NEXMIF: variants seen among roughly 807,000 people sequenced by gnomAD.
NEXMIF encodes the protein neurite extension and migration factor, also known as XLMR protein related to neurite extension.
A neutral mutation model predicts 62.1 loss-of-function variants in NEXMIF; 8 were observed. That is an observed-to-expected ratio of 0.13 (90% CI 0.08 to 0.23). NEXMIF has a LOEUF of 0.23. NEXMIF is among the 10% of genes least tolerant of loss of function. The probability of loss-of-function intolerance (pLI) is 1.00; values close to 1 mark genes in which losing one functional copy is unlikely to be tolerated. For synonymous variants in NEXMIF, 404 were observed against 416.6 expected, an observed-to-expected ratio of 0.97 and a Z score of 0.37; for missense variants, 976 against 1,113.3, an observed-to-expected ratio of 0.88 and a Z score of 1.75.
intron 1 of NEXMIF, among the ~76,000 whole-genome samples, chrX:74,881,408 A>ACACACACACACACACG (rs1447660299): frequency 3.9e-5 from 4 of 101,959 alleles, no homozygotes; most frequent in African/African-American, 1.4e-4. Flanking sequence ...ACACACACAC[A>ACACACACACACACACG]CACACACACA....
chrX:74,802,120 G>C (rs996098919), intron 1 of NEXMIF, among the ~76,000 whole-genome samples: 3 of 112,162 alleles, frequency 2.7e-5, no homozygotes, highest in Non-Finnish European at 5.6e-5. Flanking sequence ...GACCTGCCTG[G>C]GTCCTGTGGG....
At chrX:74,905,620 G>A (rs2080765114) in intron 1 of NEXMIF, among the ~76,000 whole-genome samples, 1 of 111,469 alleles carries the variant, frequency 9.0e-6, no homozygotes, top group South Asian at 3.8e-4. Flanking sequence ...GACCAGCCTG[G>A]CCAACATGGT....
At position 74,794,801 on chromosome X, in the gene NEXMIF, T is replaced by G. The variant is rs367894993; in HGVS notation, c.-47-49104A>C. The stretch of plus-strand genomic sequence containing the variant: ...AGGGAACTCCCTGACCCCTTGCGCT[T>G]CCCAAGTGAGGCAATGCCTCGCCCT... On this transcript the variant is annotated intron_variant, in intron 1 of 3. Coordinates refer to ENST00000055682, the MANE Select transcript of NEXMIF (RefSeq NM_001008537.3). 1.2e-4 allele frequency among the ~76,000 whole-genome samples: 13 copies of G among 111,818 alleles called. No homozygotes were observed. The East Asian group carries it at 3.1e-3, about 27-fold the overall frequency.
At chrX:74,795,397 G>T (rs796252513) in intron 1 of NEXMIF, among the ~76,000 whole-genome samples, 1 of 112,340 alleles carries the variant, frequency 8.9e-6, no homozygotes, top group South Asian at 3.7e-4. Context: ...ACATGAATGA[G>T]TCTTAAATGC....
At chrX:74,877,664 A>G (rs1241704489) in intron 1 of NEXMIF, among the ~76,000 whole-genome samples, 2 of 111,161 alleles carry the variant, frequency 1.8e-5, no homozygotes, top group Non-Finnish European at 3.8e-5. Flanking sequence ...ACATAGTCCC[A>G]TATTTCTTGG....
chrX:74,797,567 C>A (rs1033135477), intron 1 of NEXMIF, among the ~76,000 whole-genome samples: 1 of 112,049 alleles, frequency 8.9e-6, no homozygotes. Flanking sequence ...CCTTAACATA[C>A]AATTAGGGAG....
intron 1 of NEXMIF, among the ~76,000 whole-genome samples, chrX:74,770,553 T>C (rs980774465): frequency 4.4e-5 from 5 of 112,377 alleles, no homozygotes; most frequent in Non-Finnish European, 9.4e-5. Context: ...CTATATACAG[T>C]TATACAAACC....
rs1355381276 is a variant in NEXMIF at position 74,738,053 on chromosome X, TTAGAAGTCAAGTGGTGAATAAAAGG to T, written c.*1327_*1351del. The stretch of plus-strand genomic sequence containing the variant: ...TTGTGCAAAGAAAAGAGATCAAATG[TTAGAAGTCAAGTGGTGAATAAAAGG>T]GAAGAAAAAGTAGTAGTGAGGAATG... On this transcript the variant is annotated 3_prime_UTR_variant, in exon 4 of 4. Coordinates refer to ENST00000055682, the MANE Select transcript of NEXMIF (RefSeq NM_001008537.3). The T allele has an allele frequency of 9.0e-6, 1 of 111,391 alleles. No homozygotes were observed. 9.2% of individuals were successfully genotyped at this position (111,391 alleles called of 1,213,427 possible).
chrX:74,915,805 A>C (rs1374702064), intron 1 of NEXMIF, among the ~76,000 whole-genome samples: 1 of 111,335 alleles, frequency 9.0e-6, no homozygotes, highest in Non-Finnish European at 1.9e-5. Flanking sequence ...AAATTCCAGC[A>C]GCCCCTAGAA....
intron 1 of NEXMIF, among the ~76,000 whole-genome samples, chrX:74,835,112 G>A (rs1175628756): frequency 8.9e-6 from 1 of 111,879 alleles, no homozygotes; most frequent in Non-Finnish European, 1.9e-5. Context: ...TCTTCAGTAC[G>A]TCAATTTCAT....
intron 1 of NEXMIF, among the ~76,000 whole-genome samples, chrX:74,878,422 G>C (rs982956043): frequency 3.6e-5 from 4 of 112,573 alleles, no homozygotes; most frequent in African/African-American, 9.7e-5. Context: ...TAAGTCGGCA[G>C]AGGTTACTGC....
chrX:74,738,881 CAT>C lies in NEXMIF; in HGVS notation c.*522_*523del, dbSNP rs2080093031. On this transcript the variant is annotated 3_prime_UTR_variant, in exon 4 of 4. Transcript: ENST00000055682. ...ATACACACACACACACACACACAAA[CAT>C]ATACATATATATGTTTGGGTGTGTA... 4 of 108,723 alleles carry C rather than the reference CAT, an allele frequency of 3.7e-5. No homozygotes were observed. Among genetic ancestry groups the C allele is most frequent in the African/African-American group, 1.3e-4 (4 of 29,781 alleles). The allele number at this position is 108,723 out of a possible 1,213,427, so 9.0% of individuals were successfully genotyped here. A position where few individuals can be genotyped will look rare whatever the true frequency, so the allele number is the denominator to read the frequency against.
chrX:74,876,065 T>C (rs897736489), intron 1 of NEXMIF, among the ~76,000 whole-genome samples: 1 of 111,658 alleles, frequency 9.0e-6, no homozygotes, highest in Non-Finnish European at 1.9e-5. Context: ...CTTGCTTTTC[T>C]AGTTCCTTTG....
intron 1 of NEXMIF, among the ~76,000 whole-genome samples, chrX:74,891,685 C>G (rs747020579): frequency 8.9e-6 from 1 of 112,170 alleles, no homozygotes; most frequent in South Asian, 3.7e-4. Context: ...CCAAGCAACT[C>G]AAGGTCTGAC....
chrX:74,753,124 G>A (rs1317814654), intron 1 of NEXMIF, among the ~76,000 whole-genome samples: 2 of 112,253 alleles, frequency 1.8e-5, no homozygotes, highest in Non-Finnish European at 3.8e-5. Flanking sequence ...ATGCTTGAGC[G>A]CAATAACTTT....
At chrX:74,811,316 C>A (rs2080359761) in intron 1 of NEXMIF, among the ~76,000 whole-genome samples, 1 of 111,526 alleles carries the variant, frequency 9.0e-6, no homozygotes. Context: ...CCAAATATGA[C>A]TTCCCCTTCC....
intron 1 of NEXMIF, among the ~76,000 whole-genome samples, chrX:74,750,987 G>A (rs2080140361): frequency 9.0e-6 from 1 of 111,442 alleles, no homozygotes; most frequent in African/African-American, 3.3e-5. Context: ...TAGCACTTTG[G>A]GAGGCTGAGG....
intron 1 of NEXMIF, among the ~76,000 whole-genome samples, chrX:74,790,421 C>G (rs1320872692): frequency 4.4e-4 from 50 of 112,681 alleles, no homozygotes; most frequent in Non-Finnish European, 6.6e-4. Context: ...ATGCCTCCAG[C>G]TTTGTTCTTT....
chrX:74,765,924 C>T (rs2080193576), intron 1 of NEXMIF, among the ~76,000 whole-genome samples: 1 of 106,378 alleles, frequency 9.4e-6, no homozygotes, highest in Non-Finnish European at 1.9e-5. Context: ...ACCTGTAGTC[C>T]CAGCTACTCA....
Sources: allele counts gnomAD v4.1 joint callset (sites outside exome capture counted in the v4.1 genomes callset), GRCh38; gene constraint gnomAD v4.1.1; transcripts MANE v1.5; gene names NCBI Gene and HGNC (gene_info 2026-07-23, HGNC 2026-07-21).